EPB41L4A: variants seen among roughly 807,000 people sequenced by gnomAD.
EPB41L4A encodes the protein erythrocyte membrane protein band 4.1 like 4A.
EPB41L4A carries 100 observed loss-of-function variants against 108.6 expected under a neutral mutation model. That is an observed-to-expected ratio of 0.92 (90% CI 0.78 to 1.09). The LOEUF (loss-of-function observed/expected upper bound fraction) is 1.09, where lower values mean the gene tolerates loss of function less well. EPB41L4A is among the 50% of genes least tolerant of loss of function. The pLI is 0.00. For synonymous variants in EPB41L4A, 319 were observed against 289.0 expected (o/e 1.10, Z -1.05); for missense variants, 1,030 against 842.7 (o/e 1.22, Z -2.75).
chr5:112,207,013 G>A (rs547244587), intron 13 of EPB41L4A: 2 of 152,136 alleles, frequency 1.3e-5, no homozygotes, highest in Non-Finnish European at 2.9e-5. Flanking sequence ...AAAGCTGGAG[G>A]CATCACACTA....
At chr5:112,320,960 T>C (rs892718128) in intron 1 of EPB41L4A, among the ~76,000 whole-genome samples, 8 of 152,184 alleles carry the variant, frequency 5.3e-5, no homozygotes, top group Admixed American at 5.2e-4. Flanking sequence ...GCGCCCCCAC[T>C]GTGAGGGGCC....
At chr5:112,240,691 A>G in intron 10 of EPB41L4A, 28 bp downstream of exon 10, 1 of 1,328,710 alleles carries the variant, frequency 7.5e-7, no homozygotes. Context: ...TTATTAAGAC[A>G]ACAAACAAAA....
intron 1 of EPB41L4A, among the ~76,000 whole-genome samples, chr5:112,367,238 T>C (rs1014024155): frequency 3.3e-5 from 5 of 152,210 alleles, no homozygotes; most frequent in Non-Finnish European, 5.9e-5. Context: ...CTGGATCATC[T>C]TGCCCAATAC....
At chr5:112,233,404 T>A (rs1222983637) in intron 12 of EPB41L4A, among the ~76,000 whole-genome samples, 1 of 152,236 alleles carries the variant, frequency 6.6e-6, no homozygotes, top group Non-Finnish European at 1.5e-5. Flanking sequence ...ACTTTGTATG[T>A]GTCTACACAC....
intron 1 of EPB41L4A, among the ~76,000 whole-genome samples, chr5:112,378,108 T>C (rs777524917): frequency 2.6e-5 from 4 of 152,168 alleles, no homozygotes. Flanking sequence ...CACGGAGAAA[T>C]TTATTTCAAC....
intron 1 of EPB41L4A, among the ~76,000 whole-genome samples, chr5:112,345,483 A>T (rs962241938): frequency 6.6e-6 from 1 of 152,160 alleles, no homozygotes; most frequent in Admixed American, 6.5e-5. Flanking sequence ...AAAAAGATAC[A>T]TTAGACTAGA....
At chr5:112,199,307 A>G (rs904917931) in intron 15 of EPB41L4A, among the ~76,000 whole-genome samples, 1 of 152,144 alleles carries the variant, frequency 6.6e-6, no homozygotes, top group Non-Finnish European at 1.5e-5. Context: ...TGCCTAGGTA[A>G]TATAAGCCTG....
chr5:112,411,816 C>G (rs923603339), intron 1 of EPB41L4A, among the ~76,000 whole-genome samples: 1 of 152,170 alleles, frequency 6.6e-6, no homozygotes, highest in Admixed American at 6.5e-5. Context: ...AGAGAAAAAC[C>G]AATTTCGACA....
intron 1 of EPB41L4A, among the ~76,000 whole-genome samples, chr5:112,383,365 A>C (rs1018394563): frequency 2.0e-5 from 3 of 152,244 alleles, no homozygotes; most frequent in Non-Finnish European, 4.4e-5. Flanking sequence ...TAACCAAAAA[A>C]TGTGACATTG....
chr5:112,171,579 C>T (rs900551456), intron 18 of EPB41L4A, among the ~76,000 whole-genome samples: 2 of 152,240 alleles, frequency 1.3e-5, no homozygotes, highest in Non-Finnish European at 2.9e-5. Context: ...CGCCCTTCTC[C>T]ATTCCTAACT....
chr5:112,395,006 AT>A (rs545457279), intron 1 of EPB41L4A, among the ~76,000 whole-genome samples: 5,044 of 152,302 alleles, frequency 0.033, 291 homozygotes, highest in African/African-American at 0.12. Flanking sequence ...AGGATTCCCT[AT>A]TTAATAAATG....
chr5:112,379,055 G>A (rs1423691628), intron 1 of EPB41L4A, among the ~76,000 whole-genome samples: 1 of 152,112 alleles, frequency 6.6e-6, no homozygotes, highest in Non-Finnish European at 1.5e-5. Flanking sequence ...TTACAAAGGT[G>A]GTGGAACACA....
At chr5:112,191,077 C>A (rs1407827417) in intron 17 of EPB41L4A, among the ~76,000 whole-genome samples, 1 of 152,130 alleles carries the variant, frequency 6.6e-6, no homozygotes, top group East Asian at 1.9e-4. Context: ...CAACTTCTAT[C>A]TGGTTATAAA....
chr5:112,392,558 C>G (rs1467212205), intron 1 of EPB41L4A, among the ~76,000 whole-genome samples: 2 of 152,122 alleles, frequency 1.3e-5, no homozygotes, highest in South Asian at 2.1e-4. Flanking sequence ...AATATATATG[C>G]ACTCAATACA....
intron 1 of EPB41L4A, among the ~76,000 whole-genome samples, chr5:112,346,294 C>T (rs184865594): frequency 0.017 from 2,057 of 124,156 alleles, 27 homozygotes; most frequent in Non-Finnish European, 0.026. Context: ...GGTGTGATCT[C>T]GGCTCACTGC....
In EPB41L4A at chr5:112,226,975, C is replaced by T. The variant is rs531645937; in HGVS notation, c.1087+7659G>A. Among the ~76,000 whole-genome samples, 10 of 110,474 alleles carry T rather than the reference C, an allele frequency of 9.1e-5. No individual in the cohort carries two copies. The South Asian group carries it at 3.8e-3, about 42-fold the overall frequency. 72.5% of individuals were successfully genotyped at this position (110,474 alleles called of 152,430 possible). On this transcript the variant is annotated intron_variant, in intron 12 of 22. Coordinates refer to ENST00000261486, the MANE Select transcript of EPB41L4A (RefSeq NM_022140.5). Reference sequence around the variant, plus strand: ...GGTAAATTTAATGTTATGGTTTTACCACAATGAAAAAAAAAAAAAAGGCTT... The same window carrying T: ...GGTAAATTTAATGTTATGGTTTTACTACAATGAAAAAAAAAAAAAAGGCTT...
At chr5:112,204,324 A>G (rs1762360821) in intron 15 of EPB41L4A, 51 bp downstream of exon 15, 3 of 1,274,158 alleles carry the variant, frequency 2.4e-6, no homozygotes, top group African/African-American at 2.9e-5. Context: ...CAGGCCTGGG[A>G]CAAAATGCTT....
chr5:112,239,701 T>C lies in EPB41L4A; in HGVS notation c.924A>G (p.Lys308=). The C allele has an allele frequency of 5.6e-6, 9 of 1,609,120 alleles. No individual in the cohort carries two copies. Among genetic ancestry groups the C allele is most frequent in the South Asian group, 1.1e-5 (1 of 90,204 alleles). ...AACGTATGGATCCAAACTTGCTGAG[T>C]TTTCTTGACAGTGAATTGGATTCAT... ...PENESNSLSR[K]LSKFGSIRYK... Residue 308 remains lysine (K), a synonymous_variant, in exon 11 of 23, where the codon AAA becomes AAG. Coordinates refer to ENST00000261486, the MANE Select transcript of EPB41L4A (RefSeq NM_022140.5).
At chr5:112,410,588 T>C (rs531089624) in intron 1 of EPB41L4A, among the ~76,000 whole-genome samples, 1 of 152,236 alleles carries the variant, frequency 6.6e-6, no homozygotes, top group East Asian at 1.9e-4. Context: ...TGGACACTGA[T>C]GGTGACAACA....
Sources: allele counts gnomAD v4.1 joint callset (sites outside exome capture counted in the v4.1 genomes callset), GRCh38; gene constraint gnomAD v4.1.1; transcripts MANE v1.5; gene names NCBI Gene and HGNC (gene_info 2026-07-23, HGNC 2026-07-21).